The following TENM2 variants were observed in gnomAD, a reference collection of about 807,000 sequenced individuals.
TENM2 encodes teneurin-2.
A neutral mutation model predicts 245.2 loss-of-function variants in TENM2; 52 were observed. The ratio of observed to expected loss-of-function variants is 0.21; its 90% confidence interval spans 0.17 to 0.27. The LOEUF (loss-of-function observed/expected upper bound fraction) is 0.27, where lower values mean the gene tolerates loss of function less well. Ranked by LOEUF, TENM2 falls within the 10% of genes least tolerant of loss-of-function variation. The probability of loss-of-function intolerance (pLI) is 1.00; values close to 1 mark genes in which losing one functional copy is unlikely to be tolerated. For synonymous variants in TENM2, 1,363 were observed against 1,438.9 expected (o/e 0.95, Z 1.19); for missense variants, 3,046 against 3,666.8 (o/e 0.83, Z 4.37).
At chr5:167,009,258 C>T in the TENM2 span, among the ~76,000 whole-genome samples, 6 of 152,200 alleles carry the variant, frequency 3.9e-5, no homozygotes, top group Non-Finnish European at 7.3e-5. Context: ...TCACTCTATT[C>T]CATTCTCTCC....
the TENM2 span, among the ~76,000 whole-genome samples, chr5:167,106,548 T>C: frequency 6.6e-6 from 1 of 152,242 alleles, no homozygotes; most frequent in Admixed American, 6.5e-5. Flanking sequence ...GAATTTTGAT[T>C]TAATTCTAGA....
chr5:168,223,755 C>T (rs1763887735), intron 23 of TENM2, among the ~76,000 whole-genome samples: 1 of 152,120 alleles, frequency 6.6e-6, no homozygotes, highest in Non-Finnish European at 1.5e-5. Flanking sequence ...GGGCACAAGC[C>T]ACCATGCCCG....
At chr5:167,841,106 G>C (rs1472473820) in intron 2 of TENM2, among the ~76,000 whole-genome samples, 1 of 151,662 alleles carries the variant, frequency 6.6e-6, no homozygotes, top group Non-Finnish European at 1.5e-5. Flanking sequence ...AACCCGGATG[G>C]AGTACAGTGG....
intron 2 of TENM2, among the ~76,000 whole-genome samples, chr5:167,491,319 T>C (rs1334342881): frequency 1.3e-5 from 2 of 152,134 alleles, no homozygotes; most frequent in African/African-American, 2.4e-5. Context: ...GTGAAATAAA[T>C]AGAATAAATC....
At chr5:167,685,359 T>G (rs769614513) in intron 2 of TENM2, among the ~76,000 whole-genome samples, 1 of 152,212 alleles carries the variant, frequency 6.6e-6, no homozygotes, top group Non-Finnish European at 1.5e-5. Flanking sequence ...ACTCTGGGTC[T>G]TCATAAGCCA....
At chr5:167,948,095 A>T (rs1407472297) in intron 3 of TENM2, among the ~76,000 whole-genome samples, 4 of 152,162 alleles carry the variant, frequency 2.6e-5, no homozygotes, top group African/African-American at 9.7e-5. Context: ...GAGCCCCTGA[A>T]AGTCTTCCTT....
At chr5:167,222,889 A>G in the TENM2 span, among the ~76,000 whole-genome samples, 1 of 152,204 alleles carries the variant, frequency 6.6e-6, no homozygotes, top group South Asian at 2.1e-4. Flanking sequence ...CACATAAAAT[A>G]TAGCCATTTG....
chr5:167,333,312 A>G (rs1383258488), intron 1 of TENM2, among the ~76,000 whole-genome samples: 2 of 152,092 alleles, frequency 1.3e-5, no homozygotes, highest in African/African-American at 2.4e-5. Context: ...TGCTTACTTC[A>G]CCTCTTAGCC....
intron 2 of TENM2, among the ~76,000 whole-genome samples, chr5:167,538,457 G>A (rs113210129): frequency 1.7e-3 from 254 of 152,290 alleles, no homozygotes; most frequent in African/African-American, 5.9e-3. Context: ...GATTCCCCTT[G>A]ACTCATTTCT....
chr5:167,879,972 A>C (rs1773740554), intron 3 of TENM2, among the ~76,000 whole-genome samples: 1 of 152,210 alleles, frequency 6.6e-6, no homozygotes, highest in Admixed American at 6.5e-5. Flanking sequence ...GGCATCATAA[A>C]ACAAATGAGA....
At chr5:167,792,675 G>A (rs904626408) in intron 2 of TENM2, among the ~76,000 whole-genome samples, 3 of 151,540 alleles carry the variant, frequency 2.0e-5, no homozygotes, top group South Asian at 2.1e-4. Flanking sequence ...CCCTGGGAAC[G>A]GTTACCAGAG....
chr5:167,180,797 A>G, the TENM2 span, among the ~76,000 whole-genome samples: 1 of 152,076 alleles, frequency 6.6e-6, no homozygotes, highest in Non-Finnish European at 1.5e-5. Context: ...GGATCATCAT[A>G]AAGTTCTTCA....
chr5:167,739,384 C>A (rs943843816), intron 2 of TENM2, among the ~76,000 whole-genome samples: 7 of 152,198 alleles, frequency 4.6e-5, no homozygotes, highest in Non-Finnish European at 1.0e-4. Context: ...TGCAGTAATT[C>A]TCTTTCCTCC....
chr5:168,194,585 T>C lies in TENM2; in HGVS notation c.2781-591T>C, dbSNP rs115155741. Among the ~76,000 whole-genome samples, 723 of 152,292 alleles carry C rather than the reference T, an allele frequency of 4.7e-3. 3 individuals are homozygous for C. The highest frequency in any genetic ancestry group is 0.044 in the Middle Eastern group (13 of 294). On this transcript the variant is annotated intron_variant, in intron 14 of 28. Coordinates refer to ENST00000518659, the Ensembl canonical transcript of TENM2. ...GTATATAGATATATACACATTTTTA[T>C]TGAATGTGTATATTGAAGGGTTTTG...
At chr5:167,701,172 T>C (rs1758116795) in intron 2 of TENM2, among the ~76,000 whole-genome samples, 1 of 152,160 alleles carries the variant, frequency 6.6e-6, no homozygotes. Context: ...CTATGGAAAA[T>C]GTAATTTTTG....
At chr5:167,542,701 T>C (rs1181231600) in intron 2 of TENM2, among the ~76,000 whole-genome samples, 3 of 152,216 alleles carry the variant, frequency 2.0e-5, no homozygotes, top group Non-Finnish European at 4.4e-5. Flanking sequence ...AAACAAGAAC[T>C]TTACCTTTGC....
chr5:167,198,508 C>T, the TENM2 span, among the ~76,000 whole-genome samples: 1 of 152,012 alleles, frequency 6.6e-6, no homozygotes, highest in Non-Finnish European at 1.5e-5. Context: ...AATGATCTGG[C>T]CTGTTTAGTC....
intron 2 of TENM2, among the ~76,000 whole-genome samples, chr5:167,386,457 C>CTG (rs1348971813): frequency 4.6e-5 from 7 of 152,240 alleles, no homozygotes; most frequent in Admixed American, 4.6e-4. Context: ...TTCTCCCACT[C>CTG]TGTGGGTTGT....
At chr5:167,443,534 T>G (rs117679084) in intron 2 of TENM2, among the ~76,000 whole-genome samples, 1,913 of 152,292 alleles carry the variant, frequency 0.013, 79 homozygotes, top group Admixed American at 0.085. Context: ...GTTTGATTGT[T>G]AATAGCTATG....
Sources: gnomAD v4.1 joint callset for allele counts (sites outside exome capture counted in the v4.1 genomes callset) on GRCh38, gnomAD v4.1.1 for gene constraint, MANE v1.5 for transcripts, NCBI Gene and HGNC (gene_info 2026-07-23, HGNC 2026-07-21) for gene names.